Variants in GPR158 observed in about 807,000 individuals in gnomAD.
GPR158 encodes G protein-coupled receptor 158.
Under a neutral mutation model 78.2 loss-of-function variants are expected in GPR158, and 30 were observed. That is an observed-to-expected ratio of 0.38 (90% CI 0.29 to 0.52). GPR158 has a LOEUF of 0.52. Among genes scored for constraint, GPR158 ranks in the 20% least tolerant of loss-of-function variants. The pLI is 0.83. For synonymous variants in GPR158, 581 were observed against 591.1 expected (o/e 0.98, Z 0.25); for missense variants, 1,463 against 1,523.5 (o/e 0.96, Z 0.66).
intron 4 of GPR158, among the ~76,000 whole-genome samples, chr10:25,460,564 A>T (rs936233763): frequency 6.6e-6 from 1 of 152,224 alleles, no homozygotes; most frequent in Non-Finnish European, 1.5e-5. Flanking sequence ...AAAGTATATT[A>T]CATAGTAATA....
Position 25,412,447 on chromosome 10 carries a change from G to T in GPR158, c.1309G>T (p.Val437Leu), listed in dbSNP as rs1408262982. 1.9e-6 allele frequency: 3 copies of T among 1,613,732 alleles called. No individual in the cohort carries two copies. Among genetic ancestry groups the T allele is most frequent in the East Asian group, 2.2e-5 (1 of 44,892 alleles). ...CMLLDFVSML[V>L]VYHFRKAKSI... ...GCTGCTCGACTTCGTTAGCATGCTG[G>T]TGGTCTACCACTTTCGCAAAGCAAA... The change falls in exon 4 of 11, where the codon GTG becomes TTG. Residue 437 changes from valine to leucine, a missense_variant. Physicochemically the swap from Val to Leu is conservative, Grantham distance 32 (BLOSUM62 1). Coordinates refer to ENST00000376351, the MANE Select transcript of GPR158 (RefSeq NM_020752.3).
chr10:25,429,583 T>A (rs1449495362), intron 4 of GPR158, among the ~76,000 whole-genome samples: 4 of 152,078 alleles, frequency 2.6e-5, no homozygotes, highest in Non-Finnish European at 5.9e-5. Context: ...GCTTTTGAAA[T>A]GCAAGAACAT....
At chr10:25,436,593 A>G (rs78445360) in intron 4 of GPR158, among the ~76,000 whole-genome samples, 12,796 of 152,272 alleles carry the variant, frequency 0.084, 674 homozygotes, top group South Asian at 0.18. Context: ...GTCATGCTAC[A>G]GAATTTTTAA....
At chr10:25,530,184 C>T (rs1321816400) in intron 5 of GPR158, among the ~76,000 whole-genome samples, 1 of 151,994 alleles carries the variant, frequency 6.6e-6, no homozygotes, top group Non-Finnish European at 1.5e-5. Context: ...TGTGTGGCTT[C>T]TTCAATAAGA....
At chr10:25,592,210 A>G (rs1180227705) in intron 8 of GPR158, among the ~76,000 whole-genome samples, 1 of 152,010 alleles carries the variant, frequency 6.6e-6, no homozygotes, top group Non-Finnish European at 1.5e-5. Context: ...TATAAATTAA[A>G]AACTATGACT....
chr10:25,201,646 G>A (rs1852931226), intron 1 of GPR158, among the ~76,000 whole-genome samples: 2 of 151,976 alleles, frequency 1.3e-5, no homozygotes, highest in Admixed American at 1.3e-4. Context: ...TTATTTTGAG[G>A]TATGTTCCTT....
rs1024441616 is a variant in GPR158 at position 25,176,147 on chromosome 10, C to A, written c.727C>A (p.Pro243Thr). 1.3e-6 allele frequency: 2 copies of A among 1,572,150 alleles called. No homozygotes were observed. Among genetic ancestry groups the A allele is most frequent in the Admixed American group, 3.8e-5 (2 of 52,118 alleles). Residue 243 changes from proline (P) to threonine (T), a missense_variant, in exon 1 of 11, where the codon CCC becomes ACC. Pro to Thr is a conservative substitution (Grantham distance 38). Coordinates refer to ENST00000376351, the MANE Select transcript of GPR158 (RefSeq NM_020752.3). This position sits in a 1 kb window ranked among gnomAD's most constrained non-coding sequence, Gnocchi z 6.3. ...HLHRRGPNQG[P>T]RGLGHSWRRK... The stretch of plus-strand genomic sequence containing the variant: ...ACACCGCCGCGGCCCCAATCAGGGG[C>A]CCCGGGGCCTGGGCCACAGCTGGCG...
intron 6 of GPR158, among the ~76,000 whole-genome samples, 160 bp from the exon 7 acceptor site, chr10:25,572,489 C>G (rs1052340981): frequency 6.6e-6 from 1 of 152,060 alleles, no homozygotes; most frequent in Non-Finnish European, 1.5e-5. Flanking sequence ...GGCAACATAG[C>G]GAGACCCTGT....
At chr10:25,327,454 G>GA (rs1564423339) in intron 2 of GPR158, among the ~76,000 whole-genome samples, 1 of 152,104 alleles carries the variant, frequency 6.6e-6, no homozygotes, top group East Asian at 1.9e-4. Flanking sequence ...AGCAGCAAAC[G>GA]AAACACCTCA....
intron 5 of GPR158, among the ~76,000 whole-genome samples, chr10:25,541,200 C>G (rs1836578325): frequency 6.6e-6 from 1 of 151,824 alleles, no homozygotes; most frequent in African/African-American, 2.4e-5. Context: ...AATAAATCAT[C>G]TATTACTAGT....
chr10:25,374,803 A>G (rs570688919), intron 2 of GPR158, among the ~76,000 whole-genome samples: 1 of 151,852 alleles, frequency 6.6e-6, no homozygotes, highest in African/African-American at 2.4e-5. Flanking sequence ...TATTCAAGTG[A>G]AGCATGCTTG....
chr10:25,527,937 T>A (rs1334450916), intron 5 of GPR158, among the ~76,000 whole-genome samples: 1 of 152,042 alleles, frequency 6.6e-6, no homozygotes. Flanking sequence ...AGTCCACAAC[T>A]TGGATGAAAT....
chr10:25,430,996 G>A (rs1834895155), intron 4 of GPR158, among the ~76,000 whole-genome samples: 1 of 145,068 alleles, frequency 6.9e-6, no homozygotes, highest in South Asian at 2.3e-4. Context: ...GGCAACAAAA[G>A]CCAAAATTGA....
At chr10:25,243,942 C>T (rs1853657499) in intron 2 of GPR158, 2 of 152,074 alleles carry the variant, frequency 1.3e-5, no homozygotes, top group South Asian at 2.1e-4. Context: ...TTCTAAGAGA[C>T]TCTAGCTAAG....
At chr10:25,364,150 T>C (rs561212525) in intron 2 of GPR158, among the ~76,000 whole-genome samples, 1 of 152,058 alleles carries the variant, frequency 6.6e-6, no homozygotes, top group South Asian at 2.1e-4. Context: ...TAAAGATATA[T>C]AAGTAATTTG....
At chr10:25,202,575 G>T (rs373865732) in intron 1 of GPR158, among the ~76,000 whole-genome samples, 1 of 152,028 alleles carries the variant, frequency 6.6e-6, no homozygotes, top group South Asian at 2.1e-4. Context: ...CCCTACAAAG[G>T]ACATGAATTC....
At chr10:25,592,903 CAAAAA>C (rs113359370) in intron 8 of GPR158, among the ~76,000 whole-genome samples, 2 of 62,484 alleles carry the variant, frequency 3.2e-5, no homozygotes, top group South Asian at 6.1e-4. Flanking sequence ...TATTTCAATG[CAAAAA>C]AAAAAAAAAA....
At chr10:25,470,886 TC>T (rs1273475931) in intron 5 of GPR158, among the ~76,000 whole-genome samples, 8 of 152,162 alleles carry the variant, frequency 5.3e-5, no homozygotes, top group Non-Finnish European at 1.5e-5. Flanking sequence ...TATTTTAAAA[TC>T]AATTTTCCAC....
intron 6 of GPR158, among the ~76,000 whole-genome samples, chr10:25,556,133 T>C (rs1836783625): frequency 6.6e-6 from 1 of 152,212 alleles, no homozygotes; most frequent in African/African-American, 2.4e-5. Flanking sequence ...GTTATTCGAC[T>C]TGGTTGATTG....
Sources: gnomAD v4.1 joint callset for allele counts (sites outside exome capture counted in the v4.1 genomes callset) on GRCh38, gnomAD v4.1.1 for gene constraint, Gnocchi (gnomAD v3.1) non-coding constraint, MANE v1.5 for transcripts, NCBI Gene and HGNC (gene_info 2026-07-23, HGNC 2026-07-21) for gene names.